TEK: variants seen among roughly 807,000 people sequenced by gnomAD.
TEK encodes the protein TEK receptor tyrosine kinase, also known as angiopoietin-1 receptor.
Under a neutral mutation model 131.8 loss-of-function variants are expected in TEK, and 43 were observed. The observed-to-expected ratio is 0.33, with a 90% confidence interval of 0.26 to 0.42. TEK has a LOEUF of 0.42. Ranked by LOEUF, TEK falls within the 10% of genes least tolerant of loss-of-function variation. TEK has a pLI of 1.00. For synonymous variants in TEK, 580 were observed against 491.6 expected, an observed-to-expected ratio of 1.18 and a Z score of -2.38; for missense variants, 1,162 against 1,384.4, an observed-to-expected ratio of 0.84 and a Z score of 2.55.
At chr9:27,148,744 G>A (rs939922566) in intron 1 of TEK, among the ~76,000 whole-genome samples, 2 of 152,202 alleles carry the variant, frequency 1.3e-5, no homozygotes, top group African/African-American at 2.4e-5. Context: ...GCGACTGGCT[G>A]TTTGTGTTTC....
rs1008753378 is a variant in TEK, at chr9:27,212,047, A to G, written c.2687-660A>G. Among the ~76,000 whole-genome samples the G allele has an allele frequency of 4.6e-5, 7 of 151,942 alleles. No homozygotes were observed. The South Asian group carries it at 8.3e-4, about 18-fold the overall frequency. On this transcript the variant is annotated intron_variant, in intron 16 of 22. Transcript: ENST00000380036. ...TGGAACAAAAAAGTGACAATGAACC[A>G]TAAGTTTTTCTAGGAACTATTGTTT...
At chr9:27,153,179 T>C (rs939232405) in intron 1 of TEK, among the ~76,000 whole-genome samples, 9 of 152,202 alleles carry the variant, frequency 5.9e-5, no homozygotes, top group Non-Finnish European at 1.3e-4. Flanking sequence ...GCTGGGCGCA[T>C]GGCTCACACA....
intron 7 of TEK, 32 bp downstream of exon 7, chr9:27,180,400 T>C (rs376241578): frequency 6.2e-7 from 1 of 1,603,042 alleles, no homozygotes; most frequent in South Asian, 1.1e-5. Context: ...GTCAGGGCCA[T>C]GTTCAGCATG....
intron 1 of TEK, among the ~76,000 whole-genome samples, chr9:27,125,574 A>C (rs1324148165): frequency 6.6e-6 from 1 of 152,144 alleles, no homozygotes; most frequent in Non-Finnish European, 1.5e-5. Flanking sequence ...GTGCCAGATA[A>C]ATCTGGGTTG....
At chr9:27,199,170 G>A (rs550081720) in intron 12 of TEK, among the ~76,000 whole-genome samples, 1 of 152,120 alleles carries the variant, frequency 6.6e-6, no homozygotes, top group South Asian at 2.1e-4. Flanking sequence ...TTTTTGAATG[G>A]ACATTATGAA....
chr9:27,226,900 A>C (rs916574557), intron 21 of TEK, among the ~76,000 whole-genome samples: 2 of 152,120 alleles, frequency 1.3e-5, no homozygotes, highest in Admixed American at 6.6e-5. Flanking sequence ...CTCTAGGTTG[A>C]GCAGATAATT....
intron 6 of TEK, among the ~76,000 whole-genome samples, chr9:27,179,166 G>A (rs1351994934): frequency 1.3e-5 from 2 of 152,000 alleles, no homozygotes; most frequent in African/African-American, 4.8e-5. Flanking sequence ...TTCTTCTTTA[G>A]ATGGGCTATC....
intron 12 of TEK, among the ~76,000 whole-genome samples, chr9:27,199,781 A>T (rs1825154674): frequency 6.6e-6 from 1 of 152,224 alleles, no homozygotes; most frequent in Middle Eastern, 3.4e-3. Context: ...ATACTTTGTT[A>T]TGTGTATTGC....
At chr9:27,228,800 C>G (rs1274272967) in intron 22 of TEK, among the ~76,000 whole-genome samples, 1 of 151,358 alleles carries the variant, frequency 6.6e-6, no homozygotes, top group Admixed American at 6.7e-5. Flanking sequence ...GGTAATTCAA[C>G]TAGAGATGCA....
rs958406429 is a variant in TEK, at chr9:27,179,742, C to A, written c.902-498C>A. Among the ~76,000 whole-genome samples the A allele has an allele frequency of 6.0e-5, 9 of 148,994 alleles. No homozygotes were observed. The East Asian group carries it at 1.7e-3, about 29-fold the overall frequency. On this transcript the variant is annotated intron_variant, in intron 6 of 22. Coordinates refer to ENST00000380036, the MANE Select transcript of TEK (RefSeq NM_000459.5). ...GATCAGCCAAAGATCTGGGACTTTT[C>A]TCTGACTCTTTCTGGGTTTTCCCTC... is the stretch of plus-strand genomic sequence containing the variant.
chr9:27,166,064 G>C (rs1457673128), intron 2 of TEK, among the ~76,000 whole-genome samples: 1 of 152,260 alleles, frequency 6.6e-6, no homozygotes, highest in Non-Finnish European at 1.5e-5. Context: ...ATGAGAATGA[G>C]GGCACAGCGA....
In TEK at chr9:27,172,627, C is replaced by G; in HGVS notation, c.640C>G (p.Gln214Glu). Reference sequence around the variant, plus strand: ...TTCCTTAACAAAAGGATGTGAAGCCCAGAAGTGGGGACCTGAATGCAACCA... The same window carrying G: ...TTCCTTAACAAAAGGATGTGAAGCCGAGAAGTGGGGACCTGAATGCAACCA... ...TRLIVRRCEA[Q>E]KWGPECNHLC... The change falls in exon 5 of 23, where the codon CAG (glutamine) becomes GAG (glutamate). Residue 214 changes from glutamine (Q) to glutamate (E), a missense_variant. Physicochemically the swap from Gln to Glu is conservative, Grantham distance 29 (BLOSUM62 2). Transcript: ENST00000380036. 6.2e-7 allele frequency: 1 copy of G among 1,613,616 alleles called. No individual in the cohort carries two copies. The highest frequency in any genetic ancestry group is 2.2e-5 in the East Asian group (1 of 44,864).
chr9:27,173,406 T>G, intron 6 of TEK, 44 bp downstream of exon 6: 1 of 1,612,748 alleles, frequency 6.2e-7, no homozygotes, highest in African/African-American at 1.3e-5. Flanking sequence ...TTCTAGCAGG[T>G]ATATAAAGGA....
At chr9:27,219,936 C>T in intron 20 of TEK, 113 bp from the exon 21 acceptor site, 4 of 1,089,344 alleles carry the variant, frequency 3.7e-6, no homozygotes, top group Non-Finnish European at 4.2e-6. Context: ...GGATGCTCAC[C>T]CTCTCTTGCC....
chr9:27,216,406 A>ATTTTTC (rs1564104872), intron 18 of TEK, among the ~76,000 whole-genome samples: 1 of 152,126 alleles, frequency 6.6e-6, no homozygotes, highest in Non-Finnish European at 1.5e-5. Flanking sequence ...GTGCACAAGG[A>ATTTTTC]ACTTAACAAT....
At chr9:27,219,199 T>C (rs1825946642) in intron 20 of TEK, among the ~76,000 whole-genome samples, 1 of 152,196 alleles carries the variant, frequency 6.6e-6, no homozygotes, top group Non-Finnish European at 1.5e-5. Context: ...TTATCAATAT[T>C]GCATATTTTA....
intron 8 of TEK, 43 bp downstream of exon 8, chr9:27,183,653 C>T (rs1171730952): frequency 3.1e-6 from 5 of 1,610,570 alleles, no homozygotes; most frequent in East Asian, 4.5e-5. Flanking sequence ...GCATGAGATG[C>T]TTCAGTGTAG....
At position 27,228,044 on chromosome 9, in the gene TEK, CT is replaced by C. The variant is rs373123915; in HGVS notation, c.3201-160del. On this transcript the variant is annotated intron_variant, in intron 21 of 22. Transcript: ENST00000380036. Reference sequence around the variant, plus strand: ...CTATGAGGAGTTGAAATGAGACTGGCTTAGGGAGGTGGGAGTCCTCATAGAA... The same window carrying C: ...CTATGAGGAGTTGAAATGAGACTGGCTAGGGAGGTGGGAGTCCTCATAGAA... Among the ~76,000 whole-genome samples the C allele has an allele frequency of 2.9e-3, 441 of 152,228 alleles. 1 individual carries two copies. The highest frequency in any genetic ancestry group is 5.5e-3 in the Non-Finnish European group (376 of 68,004).
intron 21 of TEK, among the ~76,000 whole-genome samples, chr9:27,223,387 C>T (rs567950114): frequency 6.6e-6 from 1 of 152,136 alleles, no homozygotes; most frequent in Non-Finnish European, 1.5e-5. Flanking sequence ...CATTCCTAAG[C>T]AAATGCGAAA....
Sources: gnomAD v4.1 joint callset for allele counts (sites outside exome capture counted in the v4.1 genomes callset) on GRCh38, gnomAD v4.1.1 for gene constraint, MANE v1.5 for transcripts, NCBI Gene and HGNC (gene_info 2026-07-23, HGNC 2026-07-21) for gene names.